Variants in DNASE2B observed in about 807,000 individuals in gnomAD.
The protein encoded by DNASE2B is deoxyribonuclease 2 beta.
A neutral mutation model predicts 46.0 loss-of-function variants in DNASE2B; 43 were observed. The ratio of observed to expected loss-of-function variants is 0.94; its 90% CI spans 0.73 to 1.21. The LOEUF (loss-of-function observed/expected upper bound fraction) is 1.21. Among genes scored for constraint, DNASE2B ranks in the 50% most tolerant of loss-of-function variants. The pLI is 0.00. For synonymous variants in DNASE2B, 156 were observed against 152.5 expected, an observed-to-expected ratio of 1.02 and a Z score of -0.17; for missense variants, 395 against 414.4, an observed-to-expected ratio of 0.95 and a Z score of 0.41.
intron 2 of DNASE2B, among the ~76,000 whole-genome samples, chr1:84,403,543 G>A (rs1680454017): frequency 6.6e-6 from 1 of 151,746 alleles, no homozygotes; most frequent in African/African-American, 2.4e-5. Context: ...GAAGGGGAAG[G>A]GCTGGTCTTG....
chr1:84,401,584 C>T (rs1289929647), intron 1 of DNASE2B, among the ~76,000 whole-genome samples: 2 of 152,210 alleles, frequency 1.3e-5, no homozygotes, highest in African/African-American at 4.8e-5. Flanking sequence ...GGGCCTTGGC[C>T]TTCTCTCCAC....
intron 3 of DNASE2B, 63 bp downstream of exon 3, chr1:84,408,581 T>C: frequency 7.0e-7 from 1 of 1,423,912 alleles, no homozygotes; most frequent in South Asian, 1.3e-5. Context: ...AAATATTTCA[T>C]CTTGAGTATC....
chr1:84,413,254 T>C (rs1412169006), intron 5 of DNASE2B, among the ~76,000 whole-genome samples: 1 of 152,206 alleles, frequency 6.6e-6, no homozygotes, highest in Non-Finnish European at 1.5e-5. Flanking sequence ...CTTCACTTGC[T>C]CAATGTTCCT....
At chr1:84,412,845 T>C (rs568383043) in intron 5 of DNASE2B, among the ~76,000 whole-genome samples, 1 of 151,960 alleles carries the variant, frequency 6.6e-6, no homozygotes, top group East Asian at 1.9e-4. Context: ...ATTTTAAGCC[T>C]TCTTTACTCT....
At chr1:84,411,325 C>G (rs1262551591) in intron 4 of DNASE2B, among the ~76,000 whole-genome samples, 2 of 152,006 alleles carry the variant, frequency 1.3e-5, no homozygotes, top group Non-Finnish European at 2.9e-5. Flanking sequence ...ACTCACCTAG[C>G]TTCCCTTAAA....
intron 2 of DNASE2B, among the ~76,000 whole-genome samples, chr1:84,402,810 T>C (rs1214761666): frequency 1.3e-5 from 2 of 152,164 alleles, no homozygotes; most frequent in Non-Finnish European, 2.9e-5. Flanking sequence ...TATACTCATG[T>C]ATGCATTTCC....
intron 5 of DNASE2B, among the ~76,000 whole-genome samples, chr1:84,414,304 A>G (rs534580589): frequency 6.6e-6 from 1 of 152,326 alleles, no homozygotes; most frequent in Admixed American, 6.5e-5. Context: ...GATGTTTGCA[A>G]ACACCAACAT....
chr1:84,412,550 T>G lies in DNASE2B; in HGVS notation c.745+4T>G. The G allele has an allele frequency of 6.2e-7, 1 of 1,600,534 alleles. No homozygotes were observed. Among genetic ancestry groups the G allele is most frequent in the Non-Finnish European group, 8.5e-7 (1 of 1,171,168 alleles). On this transcript the variant is annotated splice_donor_region_variant and intron_variant, in intron 5 of 5. Coordinates refer to ENST00000370665, the MANE Select transcript of DNASE2B (RefSeq NM_021233.3). ...AAGTCGGATTCTTTTCTTGACGGTA[T>G]GAAAGACCATCATCAAACAACATGC...
chr1:84,414,950 G>A lies in DNASE2B; in HGVS notation c.*82G>A. 9.8e-7 allele frequency: 1 copy of A among 1,023,732 alleles called. No individual in the cohort carries two copies. Among genetic ancestry groups the A allele is most frequent in the Non-Finnish European group, 1.4e-6 (1 of 704,476 alleles). 63.4% of individuals were successfully genotyped at this position (1,023,732 alleles called of 1,614,324 possible). A position where few individuals can be genotyped will look rare whatever the true frequency, so the allele number is the denominator to read the frequency against. On this transcript the variant is annotated 3_prime_UTR_variant, in exon 6 of 6. Transcript: ENST00000370665. ...CATTACACCTTCTTTATATTTTAAA[G>A]GCCTGTGAATATACTTATAACCTGC...
At position 84,408,536 on chromosome 1, in the gene DNASE2B, G is replaced by A; in HGVS notation, c.385+18G>A. ...CACCAAAGGTATGACAAAGATTCTT[G>A]GTTTCTCTTTCCTACTGGAAATCAA... is the stretch of plus-strand genomic sequence containing the variant. On this transcript the variant is annotated intron_variant, in intron 3 of 5. Coordinates refer to ENST00000370665, the MANE Select transcript of DNASE2B (RefSeq NM_021233.3). 1 of 1,598,506 alleles carries A rather than the reference G, an allele frequency of 6.3e-7. No homozygotes were observed. Among genetic ancestry groups the A allele is most frequent in the Non-Finnish European group, 8.5e-7 (1 of 1,172,592 alleles).
chr1:84,402,996 T>C (rs575460645), intron 2 of DNASE2B, among the ~76,000 whole-genome samples: 1 of 152,310 alleles, frequency 6.6e-6, no homozygotes, highest in Non-Finnish European at 1.5e-5. Context: ...CACGGAACTG[T>C]CATGGTGTGT....
At position 84,414,808 on chromosome 1, in the gene DNASE2B, G is replaced by A. The variant is rs994127903; in HGVS notation, c.1026G>A (p.Gln342=). ...AFRSGGFICT[Q]NWQIYQAFQG... The stretch of plus-strand genomic sequence containing the variant: ...GAAGTGGAGGATTCATTTGTACCCA[G>A]AATTGGCAAATTTACCAAGCATTTC... Residue 342 remains glutamine, a synonymous_variant, in exon 6 of 6, where the codon CAG becomes CAA. Coordinates refer to ENST00000370665, the MANE Select transcript of DNASE2B (RefSeq NM_021233.3). The A allele has an allele frequency of 6.2e-7, 1 of 1,614,154 alleles. No homozygotes were observed.
chr1:84,403,974 G>T (rs554889), intron 2 of DNASE2B, among the ~76,000 whole-genome samples: 22,339 of 68,982 alleles, frequency 0.32, 2,025 homozygotes, highest in African/African-American at 0.36. Flanking sequence ...TTTTTTTTTT[G>T]GCGGAGGGGG....
chr1:84,403,319 A>G (rs1357432992), intron 2 of DNASE2B, among the ~76,000 whole-genome samples: 4 of 152,366 alleles, frequency 2.6e-5, no homozygotes, highest in Admixed American at 1.3e-4. Flanking sequence ...TGGATGCCTT[A>G]CTGATAACAT....
chr1:84,409,394 A>AT (rs1680549005), intron 3 of DNASE2B, among the ~76,000 whole-genome samples: 1 of 152,136 alleles, frequency 6.6e-6, no homozygotes, highest in South Asian at 2.1e-4. Context: ...TACGGACACA[A>AT]TTTTCCAGGA....
Position 84,410,990 on chromosome 1 carries a change from G to A in DNASE2B, c.538G>A (p.Glu180Lys), listed in dbSNP as rs1158311005. 6.2e-7 allele frequency: 1 copy of A among 1,607,594 alleles called. No individual in the cohort carries two copies. The highest frequency in any genetic ancestry group is 1.1e-5 in the South Asian group (1 of 89,698). The stretch of plus-strand genomic sequence containing the variant: ...CATAACTTTCAAGTACAACCAGTAT[G>A]AGGCAATAGGTAAAACTAAAGTATG... ...ICITFKYNQYEAIDSQLLVCN... is the reference protein window; with the variant it reads ...ICITFKYNQYKAIDSQLLVCN... Residue 180 changes from glutamate to lysine, a missense_variant, in exon 4 of 6, where the codon GAG (glutamate) becomes AAG (lysine). By Grantham distance (56) the Glu-to-Lys change is moderately conservative (BLOSUM62 1). Coordinates refer to ENST00000370665, the MANE Select transcript of DNASE2B (RefSeq NM_021233.3).
In DNASE2B at chr1:84,412,415, A is replaced by T; in HGVS notation, c.614A>T (p.Glu205Val). 1 of 1,613,312 alleles carries T rather than the reference A, an allele frequency of 6.2e-7. No individual in the cohort carries two copies. The highest frequency in any genetic ancestry group is 1.3e-5 in the African/African-American group (1 of 75,020). Residue 205 changes from glutamate (E) to valine (V), a missense_variant, in exon 5 of 6, where the codon GAG (glutamate) becomes GTG (valine). Transcript: ENST00000370665. ...SCSIPATFHQ[E>V]LIHMPQLCTR... The stretch of plus-strand genomic sequence containing the variant: ...TCCATCCCAGCCACCTTTCACCAGG[A>T]GCTCATTCACATGCCCCAGCTGTGC...
Position 84,401,976 on chromosome 1 carries a change from C to A in DNASE2B, c.201C>A (p.Asp67Glu). ...CTGGGTTAGAGTACCTGTACCTAGA[C>A]TCTACAACTAGAAGCTGGAGGAAGA... ...GETGLEYLYL[D>E]STTRSWRKSE... The change falls in exon 2 of 6, where the codon GAC (aspartate) becomes GAA (glutamate). Residue 67 changes from aspartate to glutamate, a missense_variant. Coordinates refer to ENST00000370665, the MANE Select transcript of DNASE2B (RefSeq NM_021233.3). 6.2e-7 allele frequency: 1 copy of A among 1,606,566 alleles called. No individual in the cohort carries two copies. Among genetic ancestry groups the A allele is most frequent in the Non-Finnish European group, 8.5e-7 (1 of 1,177,348 alleles).
intron 4 of DNASE2B, among the ~76,000 whole-genome samples, chr1:84,411,452 G>A (rs1041606813): frequency 1.0e-5 from 1 of 98,522 alleles, no homozygotes; most frequent in African/African-American, 4.3e-5. Context: ...GTGTGTGTGT[G>A]TGTGTGTGTG....
Sources: gnomAD v4.1 joint callset for allele counts (sites outside exome capture counted in the v4.1 genomes callset) on GRCh38, gnomAD v4.1.1 for gene constraint, MANE v1.5 for transcripts, NCBI Gene and HGNC (gene_info 2026-07-23, HGNC 2026-07-21) for gene names.